KIF22: variants seen among roughly 807,000 people sequenced by gnomAD.
KIF22 encodes kinesin family member 22, also known as kinesin-like protein KIF22.
A neutral mutation model predicts 73.0 loss-of-function variants in KIF22; 62 were observed. That is an observed-to-expected ratio of 0.85 (90% CI 0.69 to 1.05). The LOEUF is 1.05. Among genes scored for constraint, KIF22 ranks in the 50% least tolerant of loss-of-function variants. The pLI is 0.00. For synonymous variants in KIF22, 411 were observed against 340.1 expected, an observed-to-expected ratio of 1.21 and a Z score of -2.29; for missense variants, 854 against 870.1, an observed-to-expected ratio of 0.98 and a Z score of 0.23.
rs910269568 is a variant in KIF22, at chr16:29,790,769, G to A, written c.10G>A (p.Gly4Ser). The A allele has an allele frequency of 6.3e-7, 1 of 1,597,468 alleles. No homozygotes were observed. The highest frequency in any genetic ancestry group is 8.5e-7 in the Non-Finnish European group (1 of 1,172,130). ...CCAAGGAGGGAGTGGAATGGCCGCGGGCGGCTCGACGCAGCAGAGGCGACG... is the reference window on the plus strand; with the variant it reads ...CCAAGGAGGGAGTGGAATGGCCGCGAGCGGCTCGACGCAGCAGAGGCGACG... MAA[G>S]GSTQQRRREM... The change falls in exon 1 of 14, where the codon GGC becomes AGC. Residue 4 changes from glycine to serine, a missense_variant. Around this residue, in one of 3 missense-constraint regions of KIF22, gnomAD observed 186 missense variants for 152.9 expected, o/e 1.22. Transcript: ENST00000160827.
chr16:29,802,223 T>C (rs1394202960), intron 8 of KIF22, among the ~76,000 whole-genome samples: 1 of 127,486 alleles, frequency 7.8e-6, no homozygotes, highest in Non-Finnish European at 1.5e-5. Context: ...AGCTGTGATC[T>C]CAACACTGCA....
chr16:29,799,351 C>T lies in KIF22; in HGVS notation c.847C>T (p.Arg283Cys), dbSNP rs764557291. Reference sequence around the variant, plus strand: ...CTTGGCTGGGTCAGAGGACAACCGGCGCACAGGCAACAAGGGCCTTCGGCT... The same window carrying T: ...CTTGGCTGGGTCAGAGGACAACCGGTGCACAGGCAACAAGGGCCTTCGGCT... ...IDLAGSEDNRRTGNKGLRLKE... is the reference protein window; with the variant it reads ...IDLAGSEDNRCTGNKGLRLKE... The change falls in exon 6 of 14, where the codon CGC (arginine) becomes TGC (cysteine). Residue 283 changes from arginine (R) to cysteine (C), a missense_variant. By Grantham distance (180) the Arg-to-Cys change is radical. Coordinates refer to ENST00000160827, the MANE Select transcript of KIF22 (RefSeq NM_007317.3). The T allele has an allele frequency of 3.7e-6, 6 of 1,614,222 alleles. No individual in the cohort carries two copies. Among genetic ancestry groups the T allele is most frequent in the East Asian group, 2.2e-5 (1 of 44,890 alleles).
At chr16:29,793,190 C>T (rs1387204474) in intron 1 of KIF22, among the ~76,000 whole-genome samples, 1 of 152,114 alleles carries the variant, frequency 6.6e-6, no homozygotes, top group Non-Finnish European at 1.5e-5. Flanking sequence ...CGCCTGTAAT[C>T]CCAGCATTTT....
At chr16:29,791,397 T>C (rs1898811127) in intron 1 of KIF22, 1 of 286,426 alleles carries the variant, frequency 3.5e-6, no homozygotes, top group Non-Finnish European at 5.2e-6. Context: ...TTCCTTTCAC[T>C]CTAGCATGGA....
In KIF22 at chr16:29,804,051, G is replaced by A. The variant is rs760511586; in HGVS notation, c.1663G>A (p.Gly555Ser). Residue 555 changes from glycine (G) to serine (S), a missense_variant, in exon 11 of 14, where the codon GGC becomes AGC. Transcript: ENST00000160827. The part of the protein sequence containing the change: ...NAEIHILKNK[G>S]RKRKLESLDA... ...CGAGATCCACATCCTGAAGAATAAA[G>A]GCCGGAAGAGAAAGGTGAAAGTAGC... The A allele has an allele frequency of 1.9e-6, 3 of 1,613,706 alleles. No homozygotes were observed. Among genetic ancestry groups the A allele is most frequent in the Non-Finnish European group, 8.5e-7 (1 of 1,179,742 alleles).
chr16:29,796,377 C>T (rs1227447160), intron 1 of KIF22, among the ~76,000 whole-genome samples: 1 of 151,634 alleles, frequency 6.6e-6, no homozygotes, highest in Non-Finnish European at 1.5e-5. Context: ...TTAGAACAAC[C>T]CTGTGAGGTG....
Position 29,804,332 on chromosome 16 carries a change from GA to G in KIF22, c.1677+271del, listed in dbSNP as rs1479827059. 2.3e-5 allele frequency: 14 copies of G among 601,570 alleles called. No homozygotes were observed. In the African/African-American group the frequency reaches 2.4e-4, roughly 10 times the overall value. The allele number at this position is 601,570 out of a possible 1,614,324, so 37.3% of individuals were successfully genotyped here. A position where few individuals can be genotyped will look rare whatever the true frequency, so the allele number is the denominator to read the frequency against. On this transcript the variant is annotated intron_variant, in intron 11 of 13. Coordinates refer to ENST00000160827, the MANE Select transcript of KIF22 (RefSeq NM_007317.3). Reference sequence around the variant, plus strand: ...TTCTACCCTCTACAAGCTTAAGAGGGAAAACTTAGGGAACTATGACCTAAGC... The same window carrying G: ...TTCTACCCTCTACAAGCTTAAGAGGGAAACTTAGGGAACTATGACCTAAGC...
At chr16:29,803,708 C>A in intron 10 of KIF22, 100 bp downstream of exon 10, 1 of 1,024,698 alleles carries the variant, frequency 9.8e-7, no homozygotes, top group Non-Finnish European at 1.4e-6. Context: ...TATTCTCCCA[C>A]CACATACCAG....
At chr16:29,802,691 TGTGGTGAGGGGAGTCCTGCTGCTGTAG>T (rs1899182457) in intron 8 of KIF22, 51 bp from the exon 9 acceptor site, 1 of 1,321,630 alleles carries the variant, frequency 7.6e-7, no homozygotes, top group Admixed American at 2.8e-5. Context: ...CAAGTTAAGG[TGTGGTGAGGGGAGTCCTGCTGCTGTAG>T]GTGGTGATGA....
In KIF22 at chr16:29,805,240, TCTCC is replaced by T. The variant is rs200267388; in HGVS notation, c.1951-14_1951-11del. The T allele has an allele frequency of 3.0e-5, 49 of 1,613,726 alleles. No homozygotes were observed. The East Asian group carries it at 7.1e-4, about 23-fold the overall frequency. Reference sequence around the variant, plus strand: ...CCCGCGCCCCTCTCTAACGTCGCTGTCTCCCTCCCTCCTGTGTTGCAGGCAAACA... The same window carrying T: ...CCCGCGCCCCTCTCTAACGTCGCTGTCTCCCTCCTGTGTTGCAGGCAAACA... On this transcript the variant is annotated intron_variant, in intron 13 of 13. Coordinates refer to ENST00000160827, the MANE Select transcript of KIF22 (RefSeq NM_007317.3).
Position 29,799,771 on chromosome 16 carries a change from G to A in KIF22, c.1134G>A (p.Leu378=), listed in dbSNP as rs763974180. 6.2e-7 allele frequency: 1 copy of A among 1,613,676 alleles called. No homozygotes were observed. Among genetic ancestry groups the A allele is most frequent in the East Asian group, 2.2e-5 (1 of 44,876 alleles). Residue 378 remains leucine (L), a synonymous_variant, in exon 7 of 14, where the codon CTG becomes CTA. Coordinates refer to ENST00000160827, the MANE Select transcript of KIF22 (RefSeq NM_007317.3). ...ATCGGCCTTTTACCAATGAGAGCCT[G>A]CAGCCTCATGGTGAGAACTGGGGGA... is the stretch of plus-strand genomic sequence containing the variant. ...VINRPFTNES[L]QPHALGPVKL... is the part of the protein sequence containing the mutation.
At position 29,798,374 on chromosome 16, in the gene KIF22, G is replaced by T; in HGVS notation, c.267G>T (p.Gln89His). ...WRNHQETLKYQFDAFYGERST... is the reference protein window; with the variant it reads ...WRNHQETLKYHFDAFYGERST... ...CTAATTTCTTTCTTTCTTCCTGCAG[G>T]TTTGATGCCTTCTATGGGGAGAGGA... Residue 89 changes from glutamine to histidine, a missense_variant and splice_region_variant, in exon 3 of 14, where the codon CAG (glutamine) becomes CAT (histidine). By Grantham distance (24) the Gln-to-His change is conservative (BLOSUM62 0). Coordinates refer to ENST00000160827, the MANE Select transcript of KIF22 (RefSeq NM_007317.3). This position sits in a 1 kb window ranked among gnomAD's most constrained non-coding sequence, Gnocchi z 4.1. 7.0e-7 allele frequency: 1 copy of T among 1,419,872 alleles called. No individual in the cohort carries two copies. Among genetic ancestry groups the T allele is most frequent in the Non-Finnish European group, 9.4e-7 (1 of 1,061,216 alleles). The allele number at this position is 1,419,872 out of a possible 1,614,324, so 88.0% of individuals were successfully genotyped here.
At chr16:29,795,462 G>A (rs1401168391) in intron 1 of KIF22, among the ~76,000 whole-genome samples, 1 of 152,126 alleles carries the variant, frequency 6.6e-6, no homozygotes, top group Non-Finnish European at 1.5e-5. Context: ...CCTTCTGCGA[G>A]GCCTATGGCT....
intron 1 of KIF22, among the ~76,000 whole-genome samples, chr16:29,792,167 T>TAAAAGAGGCTA (rs66480205): frequency 1.3e-5 from 2 of 151,964 alleles, no homozygotes; most frequent in African/African-American, 4.8e-5. Context: ...ATTTATGATG[T>TAAAAGAGGCTA]AAGATGCTCT....
In KIF22 at chr16:29,805,372, T is replaced by G. The variant is rs368685286; in HGVS notation, c.*62T>G. On this transcript the variant is annotated 3_prime_UTR_variant, in exon 14 of 14. Transcript: ENST00000160827. ...ATAACCCCGTGTTGTGTAAATACAG[T>G]TTTTGCTCCGGTGCTTCCGCCTGAT... The G allele has an allele frequency of 6.5e-6, 10 of 1,548,666 alleles. No homozygotes were observed. In the East Asian group the frequency reaches 1.1e-4, roughly 17 times the overall value.
rs1899304367 is a variant in KIF22 at position 29,804,911 on chromosome 16, T to C, written c.1775T>C (p.Ile592Thr). 1 of 1,613,882 alleles carries C rather than the reference T, an allele frequency of 6.2e-7. No individual in the cohort carries two copies. Among genetic ancestry groups the C allele is most frequent in the Non-Finnish European group, 8.5e-7 (1 of 1,180,008 alleles). The change falls in exon 12 of 14, where the codon ATA (isoleucine) becomes ACA (threonine). Residue 592 changes from isoleucine to threonine, a missense_variant. By Grantham distance (89) the Ile-to-Thr change is moderately conservative. Around this residue, in one of 3 missense-constraint regions of KIF22, gnomAD observed 423 missense variants for 365.4 expected, o/e 1.16. Transcript: ENST00000160827. The part of the protein sequence containing the change: ...PELLAHGRQK[I>T]LDLLNEGSAR... ...CTACTGGCTCATGGGCGCCAAAAAA[T>C]ACTGGATCTGCTGAACGAAGGCTCA... is the stretch of plus-strand genomic sequence containing the variant.
In KIF22 at chr16:29,799,166, T is replaced by C. The variant is rs2142373176; in HGVS notation, c.741T>C (p.His247=). The stretch of plus-strand genomic sequence containing the variant: ...TCAACCAGCGCTCCTCCCGCAGTCA[T>C]GCTGTGCTCCTGGTCAAGGTGAGGC... The part of the protein sequence containing the change: ...TRLNQRSSRS[H]AVLLVKVDQR... Residue 247 remains histidine, a synonymous_variant, in exon 5 of 14, where the codon CAT becomes CAC. Transcript: ENST00000160827. The C allele has an allele frequency of 1.2e-6, 2 of 1,613,892 alleles. No individual in the cohort carries two copies. The highest frequency in any genetic ancestry group is 1.7e-6 in the Non-Finnish European group (2 of 1,179,930).
intron 1 of KIF22, among the ~76,000 whole-genome samples, chr16:29,796,569 GC>G (rs1898957283): frequency 1.3e-5 from 2 of 149,952 alleles, no homozygotes; most frequent in African/African-American, 4.9e-5. Flanking sequence ...TTTTTTAAGT[GC>G]CCAGCATCAC....
chr16:29,797,238 G>A lies in KIF22; in HGVS notation c.266+150G>A, dbSNP rs1898976302. 1.7e-6 allele frequency: 1 copy of A among 602,372 alleles called. No individual in the cohort carries two copies. The highest frequency in any genetic ancestry group is 2.8e-6 in the Non-Finnish European group (1 of 351,074). The allele number at this position is 602,372 out of a possible 1,614,324, so 37.3% of individuals were successfully genotyped here. On this transcript the variant is annotated intron_variant, in intron 2 of 13. Coordinates refer to ENST00000160827, the MANE Select transcript of KIF22 (RefSeq NM_007317.3). This position sits in a 1 kb window ranked among gnomAD's most constrained non-coding sequence, Gnocchi z 4.1. Reference sequence around the variant, plus strand: ...CTGTTCACTTAGGAAATGTTGACAGGTGCCCCCATGATGGGCCCTCTCTGG... The same window carrying A: ...CTGTTCACTTAGGAAATGTTGACAGATGCCCCCATGATGGGCCCTCTCTGG...
Sources: gnomAD v4.1 joint callset for allele counts (sites outside exome capture counted in the v4.1 genomes callset) on GRCh38, gnomAD v4.1.1 for gene constraint, gnomAD v4.1.1 regional missense constraint, Gnocchi (gnomAD v3.1) non-coding constraint, MANE v1.5 for transcripts, NCBI Gene and HGNC (gene_info 2026-07-23, HGNC 2026-07-21) for gene names.